Variants in PTPRK observed in about 807,000 individuals in gnomAD.
PTPRK encodes the protein protein tyrosine phosphatase receptor type K, also known as receptor-type tyrosine-protein phosphatase kappa.
PTPRK carries 75 observed loss-of-function variants against 178.0 expected under a neutral mutation model. The ratio of observed to expected loss-of-function variants is 0.42; its 90% CI spans 0.35 to 0.51. The LOEUF is 0.51. Among genes scored for constraint, PTPRK ranks in the 20% least tolerant of loss-of-function variants. The pLI is 0.02. For missense variants in PTPRK, 1,441 were observed against 1,797.8 expected (o/e 0.80, Z 3.59); for synonymous variants, 637 against 620.6 (o/e 1.03, Z -0.39).
chr6:128,517,215 G>C (rs998729506), intron 1 of PTPRK, among the ~76,000 whole-genome samples: 13 of 151,908 alleles, frequency 8.6e-5, no homozygotes, highest in Admixed American at 2.0e-4. Flanking sequence ...CCAGATAGCT[G>C]CACAGTGCTT....
chr6:128,172,339 C>T (rs933487817), intron 7 of PTPRK, among the ~76,000 whole-genome samples: 1 of 151,752 alleles, frequency 6.6e-6, no homozygotes, highest in Non-Finnish European at 1.5e-5. Context: ...AATAACATTC[C>T]AGTAAAATCT....
At chr6:128,297,816 C>T (rs1191438071) in intron 3 of PTPRK, among the ~76,000 whole-genome samples, 3 of 152,198 alleles carry the variant, frequency 2.0e-5, no homozygotes, top group South Asian at 4.1e-4. Context: ...ATTAAAAGAA[C>T]TAGAGAAGCA....
intron 5 of PTPRK, among the ~76,000 whole-genome samples, chr6:128,228,681 C>G (rs971781100): frequency 2.1e-5 from 3 of 143,164 alleles, no homozygotes; most frequent in African/African-American, 7.6e-5. Flanking sequence ...AAAGCAAAAA[C>G]AACAACAACA....
At chr6:128,459,271 T>C (rs1366812544) in intron 1 of PTPRK, among the ~76,000 whole-genome samples, 1 of 152,158 alleles carries the variant, frequency 6.6e-6, no homozygotes, top group African/African-American at 2.4e-5. Flanking sequence ...GGGCATGGCA[T>C]CAAAACTTGG....
At chr6:128,258,323 G>T (rs913955153) in intron 3 of PTPRK, among the ~76,000 whole-genome samples, 3 of 152,036 alleles carry the variant, frequency 2.0e-5, no homozygotes, top group African/African-American at 4.8e-5. Flanking sequence ...ATGTTAAAAA[G>T]ATCAAAATAT....
Position 127,998,756 on chromosome 6 carries a change from C to T in PTPRK, c.2643G>A (p.Lys881=). 6.2e-7 allele frequency: 1 copy of T among 1,606,352 alleles called. No homozygotes were observed. The highest frequency in any genetic ancestry group is 8.5e-7 in the Non-Finnish European group (1 of 1,175,236). The change falls in exon 16 of 30, where the codon AAG becomes AAA. Residue 881 remains lysine, a synonymous_variant. Transcript: ENST00000368226. The part of the protein sequence containing the change: ...ADLLQHINLM[K]TSDSYGFKEE... ...CTTTGAACCCATAGCTGTCTGATGT[C>T]TTCATGAGATTAATGTGCTGCAGTA... is the stretch of plus-strand genomic sequence containing the variant.
intron 13 of PTPRK, among the ~76,000 whole-genome samples, chr6:128,049,643 A>G (rs983160570): frequency 6.6e-6 from 1 of 152,136 alleles, no homozygotes; most frequent in South Asian, 2.1e-4. Flanking sequence ...AAATTTTAAT[A>G]TAATTTATAT....
At chr6:128,378,572 T>A (rs1466072723) in intron 2 of PTPRK, among the ~76,000 whole-genome samples, 1 of 151,932 alleles carries the variant, frequency 6.6e-6, no homozygotes, top group Non-Finnish European at 1.5e-5. Flanking sequence ...ATGAAAAAAA[T>A]TTCCACTGAA....
intron 24 of PTPRK, among the ~76,000 whole-genome samples, chr6:127,981,653 C>G (rs1433900378): frequency 6.6e-6 from 1 of 152,084 alleles, no homozygotes; most frequent in Non-Finnish European, 1.5e-5. Flanking sequence ...TCTGGGCTTG[C>G]CATATTTGAA....
At chr6:128,307,162 T>A (rs200592515) in intron 3 of PTPRK, among the ~76,000 whole-genome samples, 10,065 of 80,086 alleles carry the variant, frequency 0.13, 558 homozygotes, top group African/African-American at 0.37. Flanking sequence ...GAAAAAAAAA[T>A]ATATATATAT....
At chr6:128,439,913 C>T (rs1425308057) in intron 1 of PTPRK, among the ~76,000 whole-genome samples, 11 of 152,206 alleles carry the variant, frequency 7.2e-5, no homozygotes. Context: ...GAATATCCCA[C>T]CCTATCTTTT....
At chr6:128,133,893 G>A (rs1007078744) in intron 7 of PTPRK, among the ~76,000 whole-genome samples, 2 of 151,840 alleles carry the variant, frequency 1.3e-5, no homozygotes, top group Non-Finnish European at 2.9e-5. Flanking sequence ...CTGATGTTGT[G>A]GGCCCTCACA....
intron 1 of PTPRK, among the ~76,000 whole-genome samples, chr6:128,445,767 C>G (rs1181924528): frequency 6.6e-6 from 1 of 152,068 alleles, no homozygotes; most frequent in Non-Finnish European, 1.5e-5. Flanking sequence ...ACCATATTAA[C>G]AATAAGACTG....
chr6:128,064,560 TATC>T (rs1562517951), intron 13 of PTPRK, among the ~76,000 whole-genome samples, 195 bp downstream of exon 13: 3 of 152,204 alleles, frequency 2.0e-5, no homozygotes, highest in Non-Finnish European at 4.4e-5. Context: ...TCTTTCCTGT[TATC>T]ATAACAAGAT....
chr6:128,160,534 T>A (rs1798562301), intron 7 of PTPRK, among the ~76,000 whole-genome samples: 1 of 151,672 alleles, frequency 6.6e-6, no homozygotes, highest in Admixed American at 6.6e-5. Flanking sequence ...AGGAGGTAGA[T>A]CAGTAGGAAA....
intron 2 of PTPRK, among the ~76,000 whole-genome samples, chr6:128,369,805 G>T (rs1836012572): frequency 6.6e-6 from 1 of 152,060 alleles, no homozygotes; most frequent in African/African-American, 2.4e-5. Flanking sequence ...AGCTATGCTA[G>T]TGAGGAAATC....
chr6:128,279,165 C>T (rs972493959), intron 3 of PTPRK, among the ~76,000 whole-genome samples: 5 of 148,614 alleles, frequency 3.4e-5, no homozygotes, highest in African/African-American at 7.5e-5. Context: ...GGAAATCATA[C>T]AAATCCCTGG....
chr6:127,982,545 A>T (rs576849748), intron 24 of PTPRK, among the ~76,000 whole-genome samples: 18 of 152,300 alleles, frequency 1.2e-4, no homozygotes, highest in African/African-American at 4.3e-4. Flanking sequence ...AAGTGCTGGG[A>T]TTGCAGGCAT....
At chr6:128,228,055 C>T (rs1030901796) in intron 5 of PTPRK, among the ~76,000 whole-genome samples, 5 of 149,388 alleles carry the variant, frequency 3.3e-5, no homozygotes, top group African/African-American at 1.2e-4. Flanking sequence ...CACCATGGCA[C>T]GTGTATACCT....
Sources: allele counts gnomAD v4.1 joint callset (sites outside exome capture counted in the v4.1 genomes callset), GRCh38; gene constraint gnomAD v4.1.1; transcripts MANE v1.5; gene names NCBI Gene and HGNC (gene_info 2026-07-23, HGNC 2026-07-21).